Variants in DOCK8 observed in about 807,000 individuals in gnomAD.
DOCK8 encodes dedicator of cytokinesis 8, also known as dedicator of cytokinesis protein 8.
DOCK8 carries 141 observed loss-of-function variants against 245.6 expected under a neutral mutation model. That is an observed-to-expected ratio of 0.57 (90% confidence interval 0.50 to 0.66). DOCK8 has a LOEUF of 0.66. Ranked by LOEUF, DOCK8 falls within the 30% of genes least tolerant of loss-of-function variation. The probability of loss-of-function intolerance (pLI) is 0.00; values close to 1 mark genes in which losing one functional copy is unlikely to be tolerated. For synonymous variants in DOCK8, 1,168 were observed against 970.2 expected, an observed-to-expected ratio of 1.20 and a Z score of -3.79; for missense variants, 2,965 against 2,603.4, an observed-to-expected ratio of 1.14 and a Z score of -3.02.
chr9:436,081 A>G (rs1311687234), intron 39 of DOCK8, among the ~76,000 whole-genome samples: 1 of 152,240 alleles, frequency 6.6e-6, no homozygotes, highest in African/African-American at 2.4e-5. Context: ...TAGCTTCCCC[A>G]GGCTTAGAGA....
intron 1 of DOCK8, among the ~76,000 whole-genome samples, chr9:239,923 A>T (rs771532770): frequency 6.6e-6 from 1 of 152,234 alleles, no homozygotes; most frequent in Non-Finnish European, 1.5e-5. Context: ...AGCGTAATTT[A>T]ACTCAGTCTG....
In DOCK8 at chr9:340,070, C is replaced by T. The variant is rs569427616; in HGVS notation, c.1517-89C>T. 2.0e-6 allele frequency: 3 copies of T among 1,477,660 alleles called. No homozygotes were observed. The East Asian group carries it at 6.8e-5, about 34-fold the overall frequency. The allele number at this position is 1,477,660 out of a possible 1,614,324, so 91.5% of individuals were successfully genotyped here. A position where few individuals can be genotyped will look rare whatever the true frequency, so the allele number is the denominator to read the frequency against. On this transcript the variant is annotated intron_variant, in intron 13 of 47. Coordinates refer to ENST00000432829, the MANE Select transcript of DOCK8 (RefSeq NM_203447.4). Reference sequence around the variant, plus strand: ...CAGTACTATAGTTTGTTCTTATTTTCATGAAAGAAACACAGTGCAACAATC... The same window carrying T: ...CAGTACTATAGTTTGTTCTTATTTTTATGAAAGAAACACAGTGCAACAATC...
intron 15 of DOCK8, 89 bp from the exon 16 acceptor site, chr9:370,141 A>G: frequency 2.6e-6 from 3 of 1,143,924 alleles, no homozygotes; most frequent in Non-Finnish European, 4.0e-6. Flanking sequence ...CAGCTCTATG[A>G]GACCAGAACA....
intron 1 of DOCK8, among the ~76,000 whole-genome samples, chr9:246,583 G>A (rs1344305014): frequency 1.3e-5 from 2 of 152,110 alleles, no homozygotes; most frequent in African/African-American, 4.8e-5. Flanking sequence ...GACAGGAGAG[G>A]TGATGAAAGG....
At chr9:353,985 C>T (rs909851119) in intron 14 of DOCK8, among the ~76,000 whole-genome samples, 1 of 152,108 alleles carries the variant, frequency 6.6e-6, no homozygotes, top group African/African-American at 2.4e-5. Context: ...TTCTCATGTT[C>T]TTATACTTCT....
At chr9:288,411 A>G (rs941612159) in intron 3 of DOCK8, among the ~76,000 whole-genome samples, 2 of 152,194 alleles carry the variant, frequency 1.3e-5, no homozygotes, top group African/African-American at 4.8e-5. Flanking sequence ...TTGGAACAAG[A>G]TCCTTACCAT....
intron 14 of DOCK8, among the ~76,000 whole-genome samples, chr9:349,897 G>A (rs2052074351): frequency 6.6e-6 from 1 of 152,084 alleles, no homozygotes; most frequent in South Asian, 2.1e-4. Flanking sequence ...TCAGAGTAGG[G>A]ACATGAAAAT....
intron 5 of DOCK8, among the ~76,000 whole-genome samples, chr9:306,224 T>G (rs1002653908): frequency 6.6e-6 from 1 of 152,216 alleles, no homozygotes; most frequent in Admixed American, 6.5e-5. Flanking sequence ...TAAATAATAC[T>G]AATTTTTCAG....
At chr9:338,326 C>T (rs1275176789) in intron 12 of DOCK8, among the ~76,000 whole-genome samples, 1 of 152,136 alleles carries the variant, frequency 6.6e-6, no homozygotes, top group Non-Finnish European at 1.5e-5. Context: ...AAAAGGGATG[C>T]TGAGGGCGCC....
chr9:303,858 G>A (rs1360364664), intron 4 of DOCK8, among the ~76,000 whole-genome samples: 1 of 152,192 alleles, frequency 6.6e-6, no homozygotes, highest in African/African-American at 2.4e-5. Context: ...AAAGTGGCGT[G>A]TTTGTGCACT....
At chr9:250,045 G>A (rs1456331749) in intron 1 of DOCK8, among the ~76,000 whole-genome samples, 3 of 152,142 alleles carry the variant, frequency 2.0e-5, no homozygotes, top group African/African-American at 7.2e-5. Context: ...TATAGCACAG[G>A]CTTTGGCAAG....
intron 6 of DOCK8, chr9:313,067 T>A (rs2050195020): frequency 6.6e-6 from 1 of 152,478 alleles, no homozygotes. Flanking sequence ...TTCTGGATTG[T>A]GTTTGCTAAC....
At position 399,267 on chromosome 9, in the gene DOCK8, T is replaced by TGGGGGGGG; in HGVS notation, c.3234+8_3234+9insGGGGGGGG. 2 of 1,534,462 alleles carry TGGGGGGGG rather than the reference T, an allele frequency of 1.3e-6. No homozygotes were observed. The highest frequency in any genetic ancestry group is 8.6e-7 in the Non-Finnish European group (1 of 1,156,094). On this transcript the variant is annotated intron_variant, in intron 26 of 47. Coordinates refer to ENST00000432829, the MANE Select transcript of DOCK8 (RefSeq NM_203447.4). ...AGACATTATTGCAGCCAGGTGAGTG[T>TGGGGGGGG]CCCCCCCACCCCCACCCCCGAGCGA...
intron 2 of DOCK8, among the ~76,000 whole-genome samples, chr9:278,428 T>C (rs1006445200): frequency 3.9e-5 from 6 of 152,258 alleles, no homozygotes; most frequent in African/African-American, 1.4e-4. Flanking sequence ...CAGGAACTGC[T>C]GGCACAGCAG....
intron 5 of DOCK8, among the ~76,000 whole-genome samples, chr9:307,471 G>A (rs1449390874): frequency 6.7e-6 from 1 of 148,488 alleles, no homozygotes; most frequent in African/African-American, 2.5e-5. Context: ...CGATTCTTCT[G>A]CCTCAGCCTC....
chr9:279,259 A>G (rs2048477152), intron 2 of DOCK8, among the ~76,000 whole-genome samples: 1 of 152,202 alleles, frequency 6.6e-6, no homozygotes, highest in Non-Finnish European at 1.5e-5. Context: ...TTTTGAACTC[A>G]TTGTGTTTGA....
rs2055050172 is a variant in DOCK8, at chr9:400,995, C to CCTCCACCATCACCACCTCCTCCACCAT, written c.3234+1737_3234+1738insTCCACCATCACCACCTCCTCCACCATC. 7.3e-5 allele frequency among the ~76,000 whole-genome samples: 4 copies of CCTCCACCATCACCACCTCCTCCACCAT among 54,608 alleles called. 1 individual carries two copies. The South Asian group carries it at 2.0e-3, about 28-fold the overall frequency. The allele number at this position is 54,608 out of a possible 152,430, so 35.8% of individuals were successfully genotyped here. A position where few individuals can be genotyped will look rare whatever the true frequency, so the allele number is the denominator to read the frequency against. The stretch of plus-strand genomic sequence containing the variant: ...TCCACCATCACCACCTCCTCCACCA[C>CCTCCACCATCACCACCTCCTCCACCAT]CACCACCATTAGCTCCACCATGACC... On this transcript the variant is annotated intron_variant, in intron 26 of 47. Transcript: ENST00000432829.
At chr9:322,749 A>G (rs2050571782) in intron 7 of DOCK8, among the ~76,000 whole-genome samples, 3 of 152,200 alleles carry the variant, frequency 2.0e-5, no homozygotes, top group Non-Finnish European at 4.4e-5. Flanking sequence ...GTAAACAATT[A>G]AATATAGATT....
chr9:415,370 C>G (rs61195175), intron 29 of DOCK8, among the ~76,000 whole-genome samples: 1 of 151,726 alleles, frequency 6.6e-6, no homozygotes, highest in African/African-American at 2.4e-5. Flanking sequence ...ATGAACCCAA[C>G]TAATTGCTCC....
Sources: allele counts gnomAD v4.1 joint callset (sites outside exome capture counted in the v4.1 genomes callset), GRCh38; gene constraint gnomAD v4.1.1; transcripts MANE v1.5; gene names NCBI Gene and HGNC (gene_info 2026-07-23, HGNC 2026-07-21).